The following TRIM24 variants were observed in gnomAD, a reference collection of about 807,000 sequenced individuals.
The protein encoded by TRIM24 is tripartite motif containing 24.
Under a neutral mutation model 123.9 loss-of-function variants are expected in TRIM24, and 29 were observed. That is an observed-to-expected ratio of 0.23 (90% CI 0.17 to 0.32). The LOEUF (loss-of-function observed/expected upper bound fraction) is 0.32, where lower values mean the gene tolerates loss of function less well. Ranked by LOEUF, TRIM24 falls within the 10% of genes least tolerant of loss-of-function variation. The probability of loss-of-function intolerance (pLI) is 1.00; values close to 1 mark genes in which losing one functional copy is unlikely to be tolerated. For synonymous variants in TRIM24, 456 were observed against 461.1 expected, an observed-to-expected ratio of 0.99 and a Z score of 0.14; for missense variants, 932 against 1,295.3, an observed-to-expected ratio of 0.72 and a Z score of 4.31.
At chr7:138,534,230 C>T (rs923916856) in intron 6 of TRIM24, among the ~76,000 whole-genome samples, 25 of 152,044 alleles carry the variant, frequency 1.6e-4, no homozygotes, top group African/African-American at 5.8e-4. Context: ...CTGCTCTGAT[C>T]TTAGTTATTT....
intron 14 of TRIM24, 132 bp downstream of exon 14, chr7:138,577,720 C>A: frequency 1.3e-6 from 1 of 753,004 alleles, no homozygotes; most frequent in Non-Finnish European, 1.9e-6. Context: ...GGGAATCTCT[C>A]AGTAAATTAA....
At chr7:138,508,116 A>AC in intron 2 of TRIM24, among the ~76,000 whole-genome samples, 1 of 152,036 alleles carries the variant, frequency 6.6e-6, no homozygotes, top group Non-Finnish European at 1.5e-5. Context: ...ATCTCAAGTT[A>AC]CCCCTTTGCT....
chr7:138,574,070 G>T (rs931290912), intron 12 of TRIM24, among the ~76,000 whole-genome samples: 9 of 152,178 alleles, frequency 5.9e-5, no homozygotes, highest in Non-Finnish European at 1.3e-4. Flanking sequence ...ATCATACTAG[G>T]CCTTCTTTAC....
At chr7:138,491,474 A>T (rs183150463) in intron 1 of TRIM24, 1 of 153,788 alleles carries the variant, frequency 6.5e-6, no homozygotes, top group African/African-American at 2.4e-5. Flanking sequence ...TTCCTTTAGC[A>T]TAGTATTTTC....
chr7:138,562,822 A>T (rs1265817095), intron 9 of TRIM24, among the ~76,000 whole-genome samples: 1 of 152,140 alleles, frequency 6.6e-6, no homozygotes, highest in Admixed American at 6.5e-5. Flanking sequence ...CAGGACGGTA[A>T]GGGTTAACAC....
intron 1 of TRIM24, among the ~76,000 whole-genome samples, chr7:138,463,989 C>CTTGTTTTTTTTTTTTT (rs1795072335): frequency 2.0e-5 from 1 of 50,766 alleles, no homozygotes; most frequent in Non-Finnish European, 3.6e-5. Context: ...AAAATTTAGA[C>CTTGTTTTTTTTTTTTT]TTTTTTTTTT....
intron 18 of TRIM24, among the ~76,000 whole-genome samples, chr7:138,584,207 A>G (rs968753937): frequency 6.6e-6 from 1 of 152,270 alleles, no homozygotes; most frequent in African/African-American, 2.4e-5. Flanking sequence ...AATGCAAATT[A>G]CAGCTGATAA....
chr7:138,493,562 G>C (rs554631426), intron 1 of TRIM24, among the ~76,000 whole-genome samples: 54 of 152,250 alleles, frequency 3.5e-4, no homozygotes, highest in Middle Eastern at 3.4e-3. Context: ...TAAAAATAGT[G>C]TGTAATCCTT....
chr7:138,508,615 G>A (rs1796198964), intron 2 of TRIM24, among the ~76,000 whole-genome samples: 1 of 151,656 alleles, frequency 6.6e-6, no homozygotes, highest in African/African-American at 2.4e-5. Flanking sequence ...AATTTTTAGA[G>A]CAGTAAGTTA....
At chr7:138,486,812 C>T (rs910069242) in intron 1 of TRIM24, among the ~76,000 whole-genome samples, 1 of 152,130 alleles carries the variant, frequency 6.6e-6, no homozygotes, top group African/African-American at 2.4e-5. Flanking sequence ...ATTGTCTTGG[C>T]AATGCGGGCT....
chr7:138,475,374 C>G lies in TRIM24; in HGVS notation c.364+14462C>G, dbSNP rs569451787. On this transcript the variant is annotated intron_variant, in intron 1 of 18. Transcript: ENST00000343526. ...GGTGGGAAGGGTACAGAAAGGAGAG[C>G]AAAAGAAACAAATACAATGAAATTA... Among the ~76,000 whole-genome samples the G allele has an allele frequency of 4.6e-5, 7 of 152,036 alleles. No individual in the cohort carries two copies. In the East Asian group the frequency reaches 7.7e-4, roughly 17 times the overall value.
At chr7:138,496,315 C>G (rs562853229) in intron 1 of TRIM24, among the ~76,000 whole-genome samples, 48 of 152,234 alleles carry the variant, frequency 3.2e-4, no homozygotes, top group African/African-American at 1.1e-3. Context: ...GTTAATATTA[C>G]CCCTATTTCA....
intron 6 of TRIM24, among the ~76,000 whole-genome samples, chr7:138,530,649 AAG>A (rs1030299518): frequency 1.3e-5 from 2 of 149,636 alleles, no homozygotes; most frequent in East Asian, 1.9e-4. Flanking sequence ...TTTTTTTTTT[AAG>A]AGGGGGGGTT....
Position 138,519,256 on chromosome 7 carries a change from G to T in TRIM24, c.699G>T (p.Leu233=), listed in dbSNP as rs1179617856. Reference sequence around the variant, plus strand: ...TTCATAAAAAGGAGCAGCTGAAGCTGTACTGTGAGACATGTGACAAACTGA... The same window carrying T: ...TTCATAAAAAGGAGCAGCTGAAGCTTTACTGTGAGACATGTGACAAACTGA... ...CPFHKKEQLK[L]YCETCDKLTC... The change falls in exon 4 of 19, where the codon CTG becomes CTT. Residue 233 remains leucine (L), a synonymous_variant. Coordinates refer to ENST00000343526, the MANE Select transcript of TRIM24 (RefSeq NM_015905.3). The T allele has an allele frequency of 6.2e-7, 1 of 1,614,056 alleles. No homozygotes were observed. Among genetic ancestry groups the T allele is most frequent in the Non-Finnish European group, 8.5e-7 (1 of 1,179,988 alleles).
In TRIM24 at chr7:138,586,572, T is replaced by G. The variant is rs926749398; in HGVS notation, c.*1621T>G. On this transcript the variant is annotated 3_prime_UTR_variant, in exon 19 of 19. Transcript: ENST00000343526. ...ATGTCAATTATGTATTGTTAAAAAG[T>G]CCTACTCACTTTTCAAATATGTGTT... The G allele has an allele frequency of 2.6e-5, 4 of 152,244 alleles. No individual in the cohort carries two copies. The highest frequency in any genetic ancestry group is 4.4e-5 in the Non-Finnish European group (3 of 68,048). 9.4% of individuals were successfully genotyped at this position (152,244 alleles called of 1,614,324 possible). A position where few individuals can be genotyped will look rare whatever the true frequency, so the allele number is the denominator to read the frequency against.
At position 138,578,563 on chromosome 7, in the gene TRIM24, T is replaced by TGTGCGCGCGC. The variant is rs145011901; in HGVS notation, c.2257-640_2257-639insTGCGCGCGCG. Reference sequence around the variant, plus strand: ...GTGTGTGTGTGTGTGTGTGTGTGTGTGCGCGCACGCACGAATGGAAGCAGG... The same window carrying TGTGCGCGCGC: ...GTGTGTGTGTGTGTGTGTGTGTGTGTGTGCGCGCGCGCGCGCACGCACGAATGGAAGCAGG... On this transcript the variant is annotated intron_variant, in intron 14 of 18. Coordinates refer to ENST00000343526, the MANE Select transcript of TRIM24 (RefSeq NM_015905.3). 2.1e-3 allele frequency among the ~76,000 whole-genome samples: 311 copies of TGTGCGCGCGC among 145,074 alleles called. 1 individual carries two copies. The highest frequency in any genetic ancestry group is 0.014 in the East Asian group (70 of 4,940).
At chr7:138,521,757 C>T (rs1293310419) in intron 4 of TRIM24, among the ~76,000 whole-genome samples, 3 of 152,048 alleles carry the variant, frequency 2.0e-5, no homozygotes, top group Admixed American at 6.6e-5. Flanking sequence ...GGAAAAGACA[C>T]ACCATATAAA....
At chr7:138,581,163 A>G (rs1173382644) in intron 16 of TRIM24, among the ~76,000 whole-genome samples, 1 of 152,190 alleles carries the variant, frequency 6.6e-6, no homozygotes, top group African/African-American at 2.4e-5. Context: ...CTTTGTTACC[A>G]AAAAAACTCC....
At chr7:138,471,877 G>A (rs1267922189) in intron 1 of TRIM24, among the ~76,000 whole-genome samples, 1 of 152,106 alleles carries the variant, frequency 6.6e-6, no homozygotes, top group Non-Finnish European at 1.5e-5. Flanking sequence ...GTCTTCTATA[G>A]GAATTAGGAA....
Sources: gnomAD v4.1 joint callset for allele counts (sites outside exome capture counted in the v4.1 genomes callset) on GRCh38, gnomAD v4.1.1 for gene constraint, MANE v1.5 for transcripts, NCBI Gene and HGNC (gene_info 2026-07-23, HGNC 2026-07-21) for gene names.